EP300: variants seen among roughly 807,000 people sequenced by gnomAD.
EP300 encodes histone acetyltransferase p300.
Under a neutral mutation model 264.0 loss-of-function variants are expected in EP300, and 31 were observed. That is an observed-to-expected ratio of 0.12 (90% CI 0.09 to 0.16). EP300 has a LOEUF of 0.16. Ranked by LOEUF, EP300 falls within the 10% of genes least tolerant of loss-of-function variation. The pLI is 1.00. For synonymous variants in EP300, 1,340 were observed against 1,045.4 expected (o/e 1.28, Z -5.44); for missense variants, 2,766 against 3,052.9 (o/e 0.91, Z 2.21).
rs2059226522 is a variant in EP300 at position 41,179,446 on chromosome 22, A to G, written c.*490A>G. 1 of 165,730 alleles carries G rather than the reference A, an allele frequency of 6.0e-6. No homozygotes were observed. Among genetic ancestry groups the G allele is most frequent in the African/African-American group, 2.4e-5 (1 of 41,228 alleles). The allele number at this position is 165,730 out of a possible 1,614,324, so 10.3% of individuals were successfully genotyped here. ...TAATGTTACTTTAAAATTACATTCT[A>G]TATATATATAAATATATATAAATAT... On this transcript the variant is annotated 3_prime_UTR_variant, in exon 31 of 31. Coordinates refer to ENST00000263253, the MANE Select transcript of EP300 (RefSeq NM_001429.4).
intron 1 of EP300, among the ~76,000 whole-genome samples, chr22:41,105,299 CGGA>C (rs1422918863): frequency 6.8e-6 from 1 of 146,942 alleles, no homozygotes; most frequent in Non-Finnish European, 1.5e-5. Context: ...ACCCGGGAGG[CGGA>C]GGTTGCCATG....
intron 4 of EP300, among the ~76,000 whole-genome samples, chr22:41,129,161 C>T (rs1295689242): frequency 1.1e-5 from 1 of 95,140 alleles, no homozygotes; most frequent in Non-Finnish European, 2.3e-5. Context: ...CAGGCGCCCG[C>T]CACCATGGCG....
At chr22:41,175,193 G>A (rs2059193205) in intron 29 of EP300, among the ~76,000 whole-genome samples, 1 of 152,166 alleles carries the variant, frequency 6.6e-6, no homozygotes, top group Non-Finnish European at 1.5e-5. Context: ...CACATTCCAT[G>A]GCTGTTTAAA....
chr22:41,151,227 AGACAAGGAAG>A (rs1241694186), intron 14 of EP300, among the ~76,000 whole-genome samples: 1 of 152,164 alleles, frequency 6.6e-6, no homozygotes, highest in Non-Finnish European at 1.5e-5. Context: ...GGCCTCTGAT[AGACAAGGAAG>A]GACAGAATGA....
In EP300 at chr22:41,177,278, C is replaced by G. The variant is rs373942196; in HGVS notation, c.5567C>G (p.Thr1856Arg). The change falls in exon 31 of 31, where the codon ACG becomes AGG. Residue 1856 changes from threonine to arginine, a missense_variant. By Grantham distance (71) the Thr-to-Arg change is moderately conservative. Transcript: ENST00000263253. ...CCTTCCCCCACTCCTGCCACTCCAA[C>G]GACACCAACTGGCCAACAGCCAACC... ...GLPSPTPATP[T>R]TPTGQQPTTP... 6.2e-7 allele frequency: 1 copy of G among 1,614,088 alleles called. No homozygotes were observed.
chr22:41,167,966 C>T (rs1369242471), intron 23 of EP300, among the ~76,000 whole-genome samples: 1 of 149,954 alleles, frequency 6.7e-6, no homozygotes, highest in African/African-American at 2.5e-5. Flanking sequence ...GAATTACAGG[C>T]GTGCACCACC....
At chr22:41,137,606 T>C in intron 7 of EP300, 47 bp from the exon 8 acceptor site, 1 of 1,613,320 alleles carries the variant, frequency 6.2e-7, no homozygotes, top group Non-Finnish European at 8.5e-7. Context: ...AATGAGGTCT[T>C]CTCCTACCTT....
rs558334521 is a variant in EP300, at chr22:41,143,587, T to C, written c.2053+2365T>C. 6.6e-5 allele frequency among the ~76,000 whole-genome samples: 10 copies of C among 151,816 alleles called. No individual in the cohort carries two copies. In the South Asian group the frequency reaches 1.9e-3, roughly 28 times the overall value. On this transcript the variant is annotated intron_variant, in intron 10 of 30. Coordinates refer to ENST00000263253, the MANE Select transcript of EP300 (RefSeq NM_001429.4). ...TTTTTGTTGTTGGTTTTGTTTTTGT[T>C]TTTTTTTTGAAACAGTCTCTCTTTG... is the stretch of plus-strand genomic sequence containing the variant.
At chr22:41,127,198 A>G (rs2058887706) in intron 3 of EP300, among the ~76,000 whole-genome samples, 1 of 151,268 alleles carries the variant, frequency 6.6e-6, no homozygotes, top group Non-Finnish European at 1.5e-5. Flanking sequence ...AACTACAGAC[A>G]CCCTCTCACC....
At chr22:41,142,474 A>G (rs911290251) in intron 10 of EP300, among the ~76,000 whole-genome samples, 3 of 152,198 alleles carry the variant, frequency 2.0e-5, no homozygotes, top group Non-Finnish European at 4.4e-5. Flanking sequence ...GCCCAATAGT[A>G]AGGAAAAACA....
At chr22:41,166,516 TGTC>T in intron 22 of EP300, 80 bp from the exon 23 acceptor site, 1 of 1,089,730 alleles carries the variant, frequency 9.2e-7, no homozygotes, top group Non-Finnish European at 1.4e-6. Flanking sequence ...TCTGCTAGAT[TGTC>T]TTTTGAATTT....
chr22:41,139,150 C>T (rs1284364162), intron 8 of EP300, among the ~76,000 whole-genome samples: 10 of 152,030 alleles, frequency 6.6e-5, no homozygotes, highest in African/African-American at 1.9e-4. Flanking sequence ...GATGGGGTTT[C>T]GCCGTGTTGG....
Position 41,117,841 on chromosome 22 carries a change from G to A in EP300, c.729+20G>A. On this transcript the variant is annotated intron_variant, in intron 2 of 30. Coordinates refer to ENST00000263253, the MANE Select transcript of EP300 (RefSeq NM_001429.4). Reference sequence around the variant, plus strand: ...CTTAAGGTAAGTACAGTTTTGGTTTGTGTGCACAATCGGCATGCATGTGAG... The same window carrying A: ...CTTAAGGTAAGTACAGTTTTGGTTTATGTGCACAATCGGCATGCATGTGAG... The A allele has an allele frequency of 1.2e-6, 2 of 1,613,362 alleles. No individual in the cohort carries two copies. Among genetic ancestry groups the A allele is most frequent in the Non-Finnish European group, 1.7e-6 (2 of 1,180,022 alleles).
intron 16 of EP300, among the ~76,000 whole-genome samples, chr22:41,153,818 A>T: frequency 6.6e-6 from 1 of 152,242 alleles, no homozygotes; most frequent in East Asian, 1.9e-4. Context: ...TTTTTAGCAC[A>T]GCTAAATATG....
intron 23 of EP300, among the ~76,000 whole-genome samples, chr22:41,167,216 C>A (rs1381668779): frequency 6.6e-6 from 1 of 152,094 alleles, no homozygotes; most frequent in Non-Finnish European, 1.5e-5. Context: ...AGGCTGATCT[C>A]AAACTCCTGA....
chr22:41,109,916 C>G (rs2058779521), intron 1 of EP300, among the ~76,000 whole-genome samples: 1 of 151,840 alleles, frequency 6.6e-6, no homozygotes, highest in African/African-American at 2.4e-5. Flanking sequence ...CGGGCTCAAG[C>G]AATTCTCCTG....
In EP300 at chr22:41,178,953, C is replaced by T. The variant is rs1329691393; in HGVS notation, c.7242C>T (p.His2414=). The change falls in exon 31 of 31, where the codon CAC becomes CAT. Residue 2414 remains histidine (H), a synonymous_variant. Coordinates refer to ENST00000263253, the MANE Select transcript of EP300 (RefSeq NM_001429.4). ...TCTCACAGAGTACACTAGACATACACTAGAGACACCTTGTAGTATTTTGGG... is the reference window on the plus strand; with the variant it reads ...TCTCACAGAGTACACTAGACATACATTAGAGACACCTTGTAGTATTTTGGG... ...SNLSQSTLDI[H] The T allele has an allele frequency of 6.2e-7, 1 of 1,608,110 alleles. No individual in the cohort carries two copies. The highest frequency in any genetic ancestry group is 8.5e-7 in the Non-Finnish European group (1 of 1,177,806).
At chr22:41,171,626 A>G (rs2059171295) in intron 27 of EP300, among the ~76,000 whole-genome samples, 2 of 150,374 alleles carry the variant, frequency 1.3e-5, no homozygotes, top group Admixed American at 1.3e-4. Context: ...CATGAGCCAC[A>G]TCACCCAGCC....
chr22:41,113,199 G>A (rs1601595782), intron 1 of EP300, among the ~76,000 whole-genome samples: 1 of 135,750 alleles, frequency 7.4e-6, no homozygotes, highest in African/African-American at 2.8e-5. Flanking sequence ...GGAGAAACTG[G>A]GACATTCCAT....
Sources: gnomAD v4.1 joint callset for allele counts (sites outside exome capture counted in the v4.1 genomes callset) on GRCh38, gnomAD v4.1.1 for gene constraint, MANE v1.5 for transcripts, NCBI Gene and HGNC (gene_info 2026-07-23, HGNC 2026-07-21) for gene names.